The following MPC1 variants were observed in gnomAD, a reference collection of about 807,000 sequenced individuals.
MPC1 encodes the protein mitochondrial pyruvate carrier 1.
MPC1 carries 6 observed loss-of-function variants against 13.9 expected under a neutral mutation model. That is an observed-to-expected ratio of 0.43 (90% CI 0.24 to 0.85). The LOEUF is 0.85. Ranked by LOEUF, MPC1 falls within the 40% of genes least tolerant of loss-of-function variation. The pLI is 0.24. For missense variants in MPC1, 115 were observed against 143.3 expected, an observed-to-expected ratio of 0.80 and a Z score of 1.01; for synonymous variants, 47 against 50.5, an observed-to-expected ratio of 0.93 and a Z score of 0.29.
chr6:166,382,912 C>T lies in MPC1; in HGVS notation c.-36G>A, dbSNP rs1469367930. On this transcript the variant is annotated 5_prime_UTR_variant, in exon 1 of 5. Coordinates refer to ENST00000360961, the MANE Select transcript of MPC1 (RefSeq NM_016098.4). ...ACACCAGACCCCGAGTGGTCCCTGC[C>T]TCTGCTGCCGCTTCCCAGAGCCAAT... 1 of 1,574,912 alleles carries T rather than the reference C, an allele frequency of 6.3e-7. No individual in the cohort carries two copies. The highest frequency in any genetic ancestry group is 8.6e-7 in the Non-Finnish European group (1 of 1,162,990).
intron 1 of MPC1, among the ~76,000 whole-genome samples, chr6:166,382,316 G>A (rs1181016239): frequency 2.0e-5 from 3 of 150,260 alleles, no homozygotes; most frequent in Non-Finnish European, 4.4e-5. Context: ...CTGCCACTCT[G>A]GCCGGGAAGG....
chr6:166,365,376 AGCAGCAGCTG>A lies in MPC1; in HGVS notation c.*43_*52del. 1 of 1,452,334 alleles carries A rather than the reference AGCAGCAGCTG, an allele frequency of 6.9e-7. No homozygotes were observed. 90.0% of individuals were successfully genotyped at this position (1,452,334 alleles called of 1,614,324 possible). The stretch of plus-strand genomic sequence containing the variant: ...CTATTTATAATGAAATCTGTGACTC[AGCAGCAGCTG>A]GCAATGCTGTCCCTTCAAGACCTTG... On this transcript the variant is annotated 3_prime_UTR_variant, in exon 5 of 5. Coordinates refer to ENST00000360961, the MANE Select transcript of MPC1 (RefSeq NM_016098.4). The surrounding 1 kb of genome is among the most constrained non-coding windows in gnomAD (Gnocchi z 4.2).
chr6:166,370,129 T>C (rs754271503), intron 2 of MPC1, 89 bp downstream of exon 2: 4 of 779,276 alleles, frequency 5.1e-6, no homozygotes, highest in Non-Finnish European at 9.6e-6. Flanking sequence ...AAGGCTCTCA[T>C]ATGCAAAGGA....
At chr6:166,382,770 T>G in intron 1 of MPC1, 36 bp downstream of exon 1, 3 of 1,555,300 alleles carry the variant, frequency 1.9e-6, no homozygotes, top group Non-Finnish European at 1.7e-6. Context: ...CGGGAGCCCC[T>G]CCGGGTTGCG....
At position 166,365,838 on chromosome 6, in the gene MPC1, A is replaced by C; in HGVS notation, c.305+136T>G. On this transcript the variant is annotated intron_variant, in intron 4 of 4. Transcript: ENST00000360961. This position sits in a 1 kb window ranked among gnomAD's most constrained non-coding sequence, Gnocchi z 4.2. ...TCATGTTAACTTTCATGGTTTAGTA[A>C]GTTGTTTCCCCAACTGCTAAAGCGC... 8.6e-7 allele frequency: 1 copy of C among 1,156,206 alleles called. No individual in the cohort carries two copies. The highest frequency in any genetic ancestry group is 1.2e-6 in the Non-Finnish European group (1 of 844,312). The allele number at this position is 1,156,206 out of a possible 1,614,324, so 71.6% of individuals were successfully genotyped here. A position where few individuals can be genotyped will look rare whatever the true frequency, so the allele number is the denominator to read the frequency against.
chr6:166,382,325 G>A (rs755329189), intron 1 of MPC1, among the ~76,000 whole-genome samples: 20 of 151,370 alleles, frequency 1.3e-4, no homozygotes, highest in Non-Finnish European at 2.7e-4. Flanking sequence ...TGGCCGGGAA[G>A]GGCGTCCACT....
intron 2 of MPC1, 177 bp downstream of exon 2, chr6:166,370,041 G>A (rs1485762771): frequency 1.4e-6 from 1 of 715,952 alleles, no homozygotes; most frequent in East Asian, 2.6e-5. Context: ...GGCTGTCACA[G>A]AGCTCGTGTC....
rs1562455320 is a variant in MPC1, at chr6:166,365,121, TTCAG to T, written c.*304_*307del. On this transcript the variant is annotated 3_prime_UTR_variant, in exon 5 of 5. Coordinates refer to ENST00000360961, the MANE Select transcript of MPC1 (RefSeq NM_016098.4). This position sits in a 1 kb window ranked among gnomAD's most constrained non-coding sequence, Gnocchi z 4.2. ...GCTAGTGGTTACAAATTTTGTTCTCTTCAGTTTTTCATTAAGTAAATTCTAATAG... is the reference window on the plus strand; with the variant it reads ...GCTAGTGGTTACAAATTTTGTTCTCTTTTTTCATTAAGTAAATTCTAATAG... 2 of 235,788 alleles carry T rather than the reference TTCAG, an allele frequency of 8.5e-6. No homozygotes were observed. The allele number at this position is 235,788 out of a possible 1,614,324, so 14.6% of individuals were successfully genotyped here.
intron 1 of MPC1, among the ~76,000 whole-genome samples, chr6:166,380,475 A>C (rs1011626996): frequency 1.3e-5 from 2 of 152,210 alleles, no homozygotes; most frequent in African/African-American, 2.4e-5. Context: ...AAAGTATAAA[A>C]ATTTAAAGCT....
At position 166,382,848 on chromosome 6, in the gene MPC1, G is replaced by C. The variant is rs747983938; in HGVS notation, c.29C>G (p.Ala10Gly). MAGALVRKA[A>G]DYVRSKDFRD... ...GAAATCCTTGCTTCGGACATAGTCCGCCGCTTTCCGCACCAACGCGCCCGC... is the reference window on the plus strand; with the variant it reads ...GAAATCCTTGCTTCGGACATAGTCCCCCGCTTTCCGCACCAACGCGCCCGC... The change falls in exon 1 of 5, where the codon GCG becomes GGG. Residue 10 changes from alanine (A) to glycine (G), a missense_variant. By Grantham distance (60) the Ala-to-Gly change is moderately conservative (BLOSUM62 0). Transcript: ENST00000360961. The C allele has an allele frequency of 8.8e-6, 14 of 1,596,140 alleles. No individual in the cohort carries two copies. The highest frequency in any genetic ancestry group is 3.4e-5 in the Admixed American group (2 of 58,648).
intron 1 of MPC1, among the ~76,000 whole-genome samples, chr6:166,381,659 G>A (rs1779788011): frequency 6.6e-6 from 1 of 152,186 alleles, no homozygotes; most frequent in South Asian, 2.1e-4. Context: ...AGCGCCCCAA[G>A]ATGAGAGGTG....
At chr6:166,366,932 T>A in intron 2 of MPC1, 41 bp from the exon 3 acceptor site, 1 of 1,613,234 alleles carries the variant, frequency 6.2e-7, no homozygotes, top group Non-Finnish European at 8.5e-7. Flanking sequence ...GAGGAAAAAG[T>A]TAAGACAGAA....
intron 1 of MPC1, among the ~76,000 whole-genome samples, chr6:166,378,483 G>A (rs999171018): frequency 4.6e-5 from 7 of 151,886 alleles, no homozygotes; most frequent in Admixed American, 1.3e-4. Flanking sequence ...CTTGAGAAGA[G>A]GAATAAGTCG....
At chr6:166,375,969 G>A (rs1779554740) in intron 1 of MPC1, among the ~76,000 whole-genome samples, 1 of 152,088 alleles carries the variant, frequency 6.6e-6, no homozygotes, top group Admixed American at 6.6e-5. Context: ...TATTTATGAT[G>A]GAGGGGTGAA....
intron 2 of MPC1, chr6:166,368,798 G>A: frequency 2.0e-6 from 2 of 985,312 alleles, no homozygotes; most frequent in Non-Finnish European, 2.4e-6. Flanking sequence ...ATTCCATAGT[G>A]ATCTTCCTTT....
In MPC1 at chr6:166,382,805, C is replaced by T. The variant is rs1779853949; in HGVS notation, c.71+1G>A. ...GGGGTTCGGCCTGCGGCGCTCGTCA[C>T]CTCATGAGGTAGTCCCGGAAATCCT... On this transcript the variant is annotated splice_donor_variant, in intron 1 of 4. Transcript: ENST00000360961. LOFTEE classifies it high-confidence loss of function. 6.3e-7 allele frequency: 1 copy of T among 1,592,818 alleles called. No homozygotes were observed. Among genetic ancestry groups the T allele is most frequent in the Non-Finnish European group, 8.5e-7 (1 of 1,171,494 alleles).
chr6:166,369,164 G>A (rs1779280575), intron 2 of MPC1, among the ~76,000 whole-genome samples: 1 of 152,222 alleles, frequency 6.6e-6, no homozygotes, highest in Non-Finnish European at 1.5e-5. Context: ...AGTACTTTGG[G>A]AGGCTGAGGC....
intron 1 of MPC1, among the ~76,000 whole-genome samples, chr6:166,379,894 G>A (rs1438914546): frequency 6.6e-6 from 1 of 152,214 alleles, no homozygotes; most frequent in Admixed American, 6.5e-5. Flanking sequence ...CCTCTGATAT[G>A]TTCTAGGAAG....
intron 1 of MPC1, among the ~76,000 whole-genome samples, chr6:166,381,454 T>C (rs573502787): frequency 6.6e-6 from 1 of 152,208 alleles, no homozygotes; most frequent in Non-Finnish European, 1.5e-5. Context: ...CCCTTTTGTG[T>C]GGTTATAACA....
Sources: gnomAD v4.1 joint callset for allele counts (sites outside exome capture counted in the v4.1 genomes callset) on GRCh38, gnomAD v4.1.1 for gene constraint, Gnocchi (gnomAD v3.1) non-coding constraint, MANE v1.5 for transcripts, NCBI Gene and HGNC (gene_info 2026-07-23, HGNC 2026-07-21) for gene names.